TOP3A: variants seen among roughly 807,000 people sequenced by gnomAD.
TOP3A encodes the protein DNA topoisomerase III alpha, also known as DNA topoisomerase 3-alpha.
A neutral mutation model predicts 111.3 loss-of-function variants in TOP3A; 64 were observed. The ratio of observed to expected loss-of-function variants is 0.57; its 90% CI spans 0.47 to 0.71. TOP3A has a LOEUF of 0.71. Ranked by LOEUF, TOP3A falls within the 30% of genes least tolerant of loss-of-function variation. The pLI is 0.00. For synonymous variants in TOP3A, 484 were observed against 485.1 expected, an observed-to-expected ratio of 1.00 and a Z score of 0.03; for missense variants, 1,104 against 1,285.0, an observed-to-expected ratio of 0.86 and a Z score of 2.15.
At chr17:18,304,690 TTTTA>T (rs778725548) in intron 5 of TOP3A, among the ~76,000 whole-genome samples, 6 of 152,226 alleles carry the variant, frequency 3.9e-5, no homozygotes, top group Non-Finnish European at 5.9e-5. Context: ...CAATATGTAA[TTTTA>T]TTTTTCTATT....
chr17:18,276,999 C>T (rs1483557713), intron 18 of TOP3A, among the ~76,000 whole-genome samples: 1 of 152,120 alleles, frequency 6.6e-6, no homozygotes, highest in South Asian at 2.1e-4. Context: ...GCCTAACCAA[C>T]AGGGTGAAAC....
chr17:18,299,961 T>C (rs561083815), intron 8 of TOP3A, among the ~76,000 whole-genome samples: 6 of 152,326 alleles, frequency 3.9e-5, no homozygotes, highest in Non-Finnish European at 8.8e-5. Flanking sequence ...TTTCTGTTGT[T>C]GTTTTCTTTA....
At chr17:18,302,791 T>C (rs1981319242) in intron 5 of TOP3A, 68 bp from the exon 6 acceptor site, 1 of 1,549,972 alleles carries the variant, frequency 6.5e-7, no homozygotes, top group Non-Finnish European at 8.7e-7. Context: ...AAGGACTCAC[T>C]TTTCTTAAAG....
intron 15 of TOP3A, among the ~76,000 whole-genome samples, chr17:18,283,770 G>C (rs1979915104): frequency 1.3e-5 from 2 of 152,160 alleles, no homozygotes; most frequent in Admixed American, 6.5e-5. Flanking sequence ...GGGTTCCTCA[G>C]ACCCCCTCCT....
intron 4 of TOP3A, among the ~76,000 whole-genome samples, chr17:18,306,221 A>C (rs1981571130): frequency 6.6e-6 from 1 of 152,204 alleles, no homozygotes; most frequent in African/African-American, 2.4e-5. Flanking sequence ...ATAAATAAAT[A>C]AATAAAAATT....
In TOP3A at chr17:18,277,755, C is replaced by A; in HGVS notation, c.2747G>T (p.Gly916Val). 6.2e-7 allele frequency: 1 copy of A among 1,614,208 alleles called. No individual in the cohort carries two copies. Among genetic ancestry groups the A allele is most frequent in the Admixed American group, 1.7e-5 (1 of 60,034 alleles). The change falls in exon 18 of 19, where the codon GGG becomes GTG. Residue 916 changes from glycine to valine, a missense_variant. Coordinates refer to ENST00000321105, the MANE Select transcript of TOP3A (RefSeq NM_004618.5). The part of the protein sequence containing the change: ...RTVQKDGPNK[G>V]RQFHTCAKPR... ...CTTGGCACATGTGTGGAACTGGCGCCCCTTGTTGGGTCCATCCTTCTGCAC... is the reference window on the plus strand; with the variant it reads ...CTTGGCACATGTGTGGAACTGGCGCACCTTGTTGGGTCCATCCTTCTGCAC...
chr17:18,297,413 G>A (rs989875606), intron 9 of TOP3A, among the ~76,000 whole-genome samples: 6 of 134,756 alleles, frequency 4.5e-5, no homozygotes, highest in Non-Finnish European at 8.1e-5. Flanking sequence ...CAACAAGAGC[G>A]AAACTGCGCC....
intron 5 of TOP3A, among the ~76,000 whole-genome samples, chr17:18,304,523 A>G: frequency 6.6e-6 from 1 of 152,214 alleles, no homozygotes; most frequent in East Asian, 1.9e-4. Context: ...TAAGTTACCC[A>G]AAACCATTAA....
Position 18,278,260 on chromosome 17 carries a change from G to A in TOP3A, c.2242C>T (p.Leu748=), listed in dbSNP as rs1233223074. The change falls in exon 18 of 19, where the codon CTG becomes TTG. Residue 748 remains leucine, a synonymous_variant. Transcript: ENST00000321105. ...GGCDDTLREI[L]DLRFSGGPPR... ...GGGCCCCCTGAAAATCTCAGGTCCA[G>A]GATCTCCCTCAGGGTGTCGTCGCAT... The A allele has an allele frequency of 6.4e-7, 1 of 1,564,920 alleles. No individual in the cohort carries two copies.
chr17:18,286,198 T>TA (rs1303926017), intron 13 of TOP3A, among the ~76,000 whole-genome samples: 64 of 127,936 alleles, frequency 5.0e-4, no homozygotes, highest in East Asian at 1.2e-3. Flanking sequence ...AGACTCTCTT[T>TA]AAAAAAAAAA....
At chr17:18,314,135 T>C (rs1242399102) in intron 1 of TOP3A, among the ~76,000 whole-genome samples, 3 of 152,120 alleles carry the variant, frequency 2.0e-5, no homozygotes, top group East Asian at 1.9e-4. Flanking sequence ...ACAAGGGCTG[T>C]AGAATGCAGT....
rs1347051730 is a variant in TOP3A at position 18,314,511 on chromosome 17, C to T, written c.180+88G>A. The T allele has an allele frequency of 2.8e-6, 4 of 1,427,094 alleles. No individual in the cohort carries two copies. In the African/African-American group the frequency reaches 4.4e-5, roughly 16 times the overall value. 88.4% of individuals were successfully genotyped at this position (1,427,094 alleles called of 1,614,324 possible). A position where few individuals can be genotyped will look rare whatever the true frequency, so the allele number is the denominator to read the frequency against. ...GGCCTGAGAAATGGGAGATAATCGC[C>T]TTCATCTCGATTCTTGGCGCCCACC... On this transcript the variant is annotated intron_variant, in intron 1 of 18. Coordinates refer to ENST00000321105, the MANE Select transcript of TOP3A (RefSeq NM_004618.5).
Position 18,278,213 on chromosome 17 carries a change from A to T in TOP3A, c.2289T>A (p.Ser763=). 6.2e-7 allele frequency: 1 copy of T among 1,602,568 alleles called. No individual in the cohort carries two copies. The highest frequency in any genetic ancestry group is 8.5e-7 in the Non-Finnish European group (1 of 1,171,378). Residue 763 remains serine (S), a synonymous_variant, in exon 18 of 19, where the codon TCT becomes TCA. Transcript: ENST00000321105. ...GGGACTGGTTAGCCTGCAGGCGGCCAGAGGGCTGGCTAGCCCTGGGGGGGC... is the reference window on the plus strand; with the variant it reads ...GGGACTGGTTAGCCTGCAGGCGGCCTGAGGGCTGGCTAGCCCTGGGGGGGC... ...SGGPPRASQP[S]GRLQANQSLN... is the part of the protein sequence containing the mutation.
chr17:18,299,395 A>C lies in TOP3A; in HGVS notation c.990+164T>G, dbSNP rs74692546. 2.8e-4 allele frequency among the ~76,000 whole-genome samples: 42 copies of C among 152,342 alleles called. No homozygotes were observed. In the East Asian group the frequency reaches 6.4e-3, roughly 23 times the overall value. The stretch of plus-strand genomic sequence containing the variant: ...ACAAAAACAAAATAAACAAAAAAAC[A>C]AACAGTGAGGCTAAGCAGGACCGTG... On this transcript the variant is annotated intron_variant, in intron 9 of 18. Coordinates refer to ENST00000321105, the MANE Select transcript of TOP3A (RefSeq NM_004618.5).
At chr17:18,296,609 A>G (rs1268856670) in intron 9 of TOP3A, among the ~76,000 whole-genome samples, 2 of 152,166 alleles carry the variant, frequency 1.3e-5, no homozygotes, top group Admixed American at 6.5e-5. Flanking sequence ...AACAAAATGC[A>G]TAACTTCCCC....
At chr17:18,314,137 G>A (rs756680308) in intron 1 of TOP3A, among the ~76,000 whole-genome samples, 1 of 152,212 alleles carries the variant, frequency 6.6e-6, no homozygotes, top group African/African-American at 2.4e-5. Flanking sequence ...AAGGGCTGTA[G>A]AATGCAGTGG....
At chr17:18,283,350 C>T (rs1180742901) in intron 15 of TOP3A, among the ~76,000 whole-genome samples, 1 of 151,632 alleles carries the variant, frequency 6.6e-6, no homozygotes, top group Non-Finnish European at 1.5e-5. Flanking sequence ...GCCTGGGCAA[C>T]AAGAGCGAAA....
intron 17 of TOP3A, among the ~76,000 whole-genome samples, chr17:18,278,913 G>A (rs1979576265): frequency 6.6e-6 from 1 of 152,322 alleles, no homozygotes; most frequent in South Asian, 2.1e-4. Flanking sequence ...GGGAGTCAGA[G>A]GTTGCAGTGA....
intron 13 of TOP3A, among the ~76,000 whole-genome samples, chr17:18,289,960 G>A (rs1038165589): frequency 2.6e-5 from 4 of 152,178 alleles, no homozygotes; most frequent in Non-Finnish European, 4.4e-5. Flanking sequence ...TGACAAAAAC[G>A]AATGGAGGGG....
Sources: allele counts gnomAD v4.1 joint callset (sites outside exome capture counted in the v4.1 genomes callset), GRCh38; gene constraint gnomAD v4.1.1; transcripts MANE v1.5; gene names NCBI Gene and HGNC (gene_info 2026-07-23, HGNC 2026-07-21).